The following ATL3 variants were observed in gnomAD, a reference collection of about 807,000 sequenced individuals.
ATL3 encodes the protein atlastin-3.
A neutral mutation model predicts 69.5 loss-of-function variants in ATL3; 49 were observed. That is an observed-to-expected ratio of 0.71 (90% CI 0.56 to 0.89). The LOEUF is 0.89. Ranked by LOEUF, ATL3 falls within the 40% of genes least tolerant of loss-of-function variation. The pLI, the probability that ATL3 is intolerant of heterozygous loss-of-function variation, is 0.00. For missense variants in ATL3, 606 were observed against 645.7 expected, an observed-to-expected ratio of 0.94 and a Z score of 0.67; for synonymous variants, 214 against 224.1, an observed-to-expected ratio of 0.95 and a Z score of 0.40.
intron 1 of ATL3, among the ~76,000 whole-genome samples, chr11:63,670,133 G>T (rs1029132151): frequency 6.6e-6 from 1 of 152,060 alleles, no homozygotes; most frequent in East Asian, 1.9e-4. Context: ...ACAATGTGCT[G>T]GACTACTGCA....
upstream of ATL3, chr11:63,671,417 AGC>A (rs1940776669): frequency 6.6e-6 from 10 of 1,518,088 alleles, no homozygotes; most frequent in Admixed American, 2.1e-4. Context: ...GGGCCCTGGA[AGC>A]GGGAAACGGG....
At chr11:63,639,485 G>A (rs1471578761) in intron 8 of ATL3, among the ~76,000 whole-genome samples, 1 of 152,190 alleles carries the variant, frequency 6.6e-6, no homozygotes, top group East Asian at 1.9e-4. Context: ...GGTGGCTCAA[G>A]CCAGTAATCC....
In ATL3 at chr11:63,646,544, C is replaced by T. The variant is rs750850786; in HGVS notation, c.581G>A (p.Arg194His). ...TTGGAAAATTTCATCCATTGCCAGA[C>T]GACCGTATTCTGTGAAGAGCTTTAA... ...QQLQLFTEYG[R>H]LAMDEIFQKP... The change falls in exon 6 of 13, where the codon CGT becomes CAT. Residue 194 changes from arginine to histidine, a missense_variant. Transcript: ENST00000398868. 109 of 1,604,046 alleles carry T rather than the reference C, an allele frequency of 6.8e-5. No individual in the cohort carries two copies. The highest frequency in any genetic ancestry group is 5.3e-4 in the Middle Eastern group (3 of 5,652).
chr11:63,652,988 A>T (rs1940128305), intron 3 of ATL3, among the ~76,000 whole-genome samples: 1 of 151,838 alleles, frequency 6.6e-6, no homozygotes, highest in East Asian at 1.9e-4. Context: ...AGCCCAGTTC[A>T]ATACCAGCCT....
Position 63,659,134 on chromosome 11 carries a change from G to C in ATL3, c.165C>G (p.Ile55Met), listed in dbSNP as rs777424027. Reference sequence around the variant, plus strand: ...AAACCACCACCACATCAAGATCTCGGATGTGGTCCTGCAAGAGGATGCTGG... The same window carrying C: ...AAACCACCACCACATCAAGATCTCGCATGTGGTCCTGCAAGAGGATGCTGG... ...ALASILLQDH[I>M]RDLDVVVVSV... Residue 55 changes from isoleucine to methionine, a missense_variant, in exon 2 of 13, where the codon ATC becomes ATG. Transcript: ENST00000398868. The C allele has an allele frequency of 1.9e-6, 3 of 1,613,912 alleles. No individual in the cohort carries two copies. The highest frequency in any genetic ancestry group is 2.5e-6 in the Non-Finnish European group (3 of 1,180,030).
At chr11:63,659,281 T>G in intron 1 of ATL3, 29 bp from the exon 2 acceptor site, 1 of 1,589,296 alleles carries the variant, frequency 6.3e-7, no homozygotes, top group Non-Finnish European at 8.6e-7. Context: ...AAAAAATCAG[T>G]GTCAAATATT....
chr11:63,671,575 G>T, upstream of ATL3: 2 of 1,423,584 alleles, frequency 1.4e-6, no homozygotes, highest in Non-Finnish European at 1.8e-6. Flanking sequence ...GGGCGGGAAA[G>T]CGCACGCGGC....
At chr11:63,659,573 T>G (rs534179578) in intron 1 of ATL3, among the ~76,000 whole-genome samples, 4 of 151,840 alleles carry the variant, frequency 2.6e-5, no homozygotes, top group Non-Finnish European at 5.9e-5. Flanking sequence ...CAGTGAGCTA[T>G]GACCACACCA....
At chr11:63,653,464 CAA>C (rs879281908) in intron 3 of ATL3, among the ~76,000 whole-genome samples, 2 of 132,448 alleles carry the variant, frequency 1.5e-5, no homozygotes, top group Admixed American at 7.5e-5. Context: ...GATTTTGTCC[CAA>C]AAAAAAAAAA....
chr11:63,665,278 G>A (rs962904796), intron 1 of ATL3, among the ~76,000 whole-genome samples: 6 of 151,866 alleles, frequency 4.0e-5, no homozygotes, highest in East Asian at 3.9e-4. Context: ...CCCGGGAGGC[G>A]GAGGTTGCGG....
chr11:63,645,731 A>G (rs1267793216), intron 6 of ATL3, among the ~76,000 whole-genome samples: 1 of 151,814 alleles, frequency 6.6e-6, no homozygotes, highest in Non-Finnish European at 1.5e-5. Context: ...AGCTGGGACT[A>G]CAGGCGTGCA....
intron 1 of ATL3, among the ~76,000 whole-genome samples, chr11:63,665,723 T>C (rs1038396808): frequency 1.3e-5 from 2 of 152,002 alleles, no homozygotes; most frequent in Non-Finnish European, 2.9e-5. Context: ...ACCCCATCTC[T>C]ACTAAAAATA....
At chr11:63,659,423 T>G (rs1250735801) in intron 1 of ATL3, among the ~76,000 whole-genome samples, 171 bp from the exon 2 acceptor site, 1 of 152,102 alleles carries the variant, frequency 6.6e-6, no homozygotes, top group Non-Finnish European at 1.5e-5. Flanking sequence ...GGCCAGGAGT[T>G]TCAGACTAGC....
rs975389483 is a variant in ATL3, at chr11:63,626,733, G to A, written c.*2586C>T. 2.0e-5 allele frequency: 3 copies of A among 152,148 alleles called. No homozygotes were observed. Among genetic ancestry groups the A allele is most frequent in the Non-Finnish European group, 4.4e-5 (3 of 68,014 alleles). The allele number at this position is 152,148 out of a possible 1,614,324, so 9.4% of individuals were successfully genotyped here. A position where few individuals can be genotyped will look rare whatever the true frequency, so the allele number is the denominator to read the frequency against. On this transcript the variant is annotated 3_prime_UTR_variant, in exon 13 of 13. Coordinates refer to ENST00000398868, the MANE Select transcript of ATL3 (RefSeq NM_015459.5). ...CACAGTCTGAGCATCTGAACCACAA[G>A]TAAAAGGTGAGAGAAGTAAAAGATA... is the stretch of plus-strand genomic sequence containing the variant.
intron 5 of ATL3, 124 bp downstream of exon 5, chr11:63,651,812 C>T (rs1391303108): frequency 7.3e-7 from 1 of 1,376,774 alleles, no homozygotes; most frequent in East Asian, 2.7e-5. Context: ...TATAGAATTA[C>T]TATGAACCAA....
chr11:63,661,428 C>G (rs1374773001), intron 1 of ATL3, among the ~76,000 whole-genome samples: 1 of 152,044 alleles, frequency 6.6e-6, no homozygotes, highest in African/African-American at 2.4e-5. Flanking sequence ...GTTTCCCTAC[C>G]AAAGCACAAA....
chr11:63,664,076 G>A (rs768353720), intron 1 of ATL3, among the ~76,000 whole-genome samples: 21 of 152,164 alleles, frequency 1.4e-4, no homozygotes, highest in Non-Finnish European at 2.5e-4. Context: ...TGCCATATTG[G>A]TTCACTTCTG....
rs1939030881 is a variant in ATL3 at position 63,624,258 on chromosome 11, A to G, written c.*5061T>C. The G allele has an allele frequency of 6.6e-6, 1 of 152,198 alleles. No individual in the cohort carries two copies. The highest frequency in any genetic ancestry group is 2.1e-4 in the South Asian group (1 of 4,824). The allele number at this position is 152,198 out of a possible 1,614,324, so 9.4% of individuals were successfully genotyped here. ...TAGCAGACAGTACTTTTAACAAATC[A>G]TTTTTTAAAATAAAAAAACCTGAGG... On this transcript the variant is annotated 3_prime_UTR_variant, in exon 13 of 13. Transcript: ENST00000398868.
At chr11:63,665,535 T>C (rs1416320494) in intron 1 of ATL3, among the ~76,000 whole-genome samples, 1 of 151,918 alleles carries the variant, frequency 6.6e-6, no homozygotes, top group Non-Finnish European at 1.5e-5. Flanking sequence ...CTGGGGTGAT[T>C]CTGCATTTCT....
Sources: gnomAD v4.1 joint callset for allele counts (sites outside exome capture counted in the v4.1 genomes callset) on GRCh38, gnomAD v4.1.1 for gene constraint, MANE v1.5 for transcripts, NCBI Gene and HGNC (gene_info 2026-07-23, HGNC 2026-07-21) for gene names.